Variants in ADGRL3 observed in about 807,000 individuals in gnomAD.
The protein encoded by ADGRL3 is adhesion G protein-coupled receptor L3.
Under a neutral mutation model 153.5 loss-of-function variants are expected in ADGRL3, and 62 were observed. That is an observed-to-expected ratio of 0.40 (90% CI 0.33 to 0.50). The LOEUF (loss-of-function observed/expected upper bound fraction) is 0.50, where lower values mean the gene tolerates loss of function less well. Among genes scored for constraint, ADGRL3 ranks in the 20% least tolerant of loss-of-function variants. The pLI, the probability that ADGRL3 is intolerant of heterozygous loss-of-function variation, is 0.47. For synonymous variants in ADGRL3, 710 were observed against 672.5 expected, an observed-to-expected ratio of 1.06 and a Z score of -0.86; for missense variants, 1,641 against 1,859.4, an observed-to-expected ratio of 0.88 and a Z score of 2.16.
chr4:61,846,972 A>AGTGTGTGTGTGTGTGTGTGTG (rs2098124991), intron 9 of ADGRL3, among the ~76,000 whole-genome samples: 1 of 148,114 alleles, frequency 6.8e-6, no homozygotes, highest in African/African-American at 2.6e-5. Flanking sequence ...GTGTGTGTGT[A>AGTGTGTGTGTGTGTGTGTGTG]TATATATGTA....
intron 8 of ADGRL3, among the ~76,000 whole-genome samples, chr4:61,784,202 AC>A (rs2152398194): frequency 6.6e-6 from 1 of 152,140 alleles, no homozygotes; most frequent in East Asian, 1.9e-4. Context: ...TAGAAGGAAT[AC>A]CCGAATAGAC....
In ADGRL3 at chr4:61,232,549, T is replaced by C. The variant is rs559010181; in HGVS notation, c.-240+30784T>C. ...GTCTCAAACTCCTGACCTCAAGCGATCCACCTTCCTTGGCCTCCCAAAGTG... is the reference window on the plus strand; with the variant it reads ...GTCTCAAACTCCTGACCTCAAGCGACCCACCTTCCTTGGCCTCCCAAAGTG... On this transcript the variant is annotated intron_variant, in intron 1 of 26. Coordinates refer to ENST00000683033, the MANE Select transcript of ADGRL3 (RefSeq NM_001387552.1). 8.7e-4 allele frequency among the ~76,000 whole-genome samples: 133 copies of C among 152,216 alleles called. 1 individual carries two copies. Among genetic ancestry groups the C allele is most frequent in the African/African-American group, 3.1e-3 (130 of 41,552 alleles).
At chr4:61,838,975 A>G (rs1454488707) in intron 9 of ADGRL3, among the ~76,000 whole-genome samples, 1 of 152,186 alleles carries the variant, frequency 6.6e-6, no homozygotes, top group Admixed American at 6.5e-5. Flanking sequence ...AAGTCATCTA[A>G]TATAAGGAGT....
At chr4:62,000,763 CTTTGT>C (rs994737522) in intron 21 of ADGRL3, among the ~76,000 whole-genome samples, 2 of 151,404 alleles carry the variant, frequency 1.3e-5, no homozygotes, top group Non-Finnish European at 2.9e-5. Context: ...GATTTTTTTT[CTTTGT>C]TTTAATTTTT....
intron 19 of ADGRL3, among the ~76,000 whole-genome samples, chr4:61,986,293 C>T (rs2099085345): frequency 6.6e-6 from 1 of 152,102 alleles, no homozygotes; most frequent in South Asian, 2.1e-4. Context: ...CTTGAAGTTC[C>T]AAATTACATT....
intron 4 of ADGRL3, among the ~76,000 whole-genome samples, chr4:61,540,575 A>G (rs2098684156): frequency 6.6e-6 from 1 of 152,092 alleles, no homozygotes; most frequent in Non-Finnish European, 1.5e-5. Flanking sequence ...AAAGAAAAAA[A>G]GAAAAAAAAA....
intron 5 of ADGRL3, among the ~76,000 whole-genome samples, chr4:61,625,855 A>G (rs1193435804): frequency 1.3e-5 from 2 of 152,038 alleles, no homozygotes; most frequent in Non-Finnish European, 2.9e-5. Flanking sequence ...ACTAATTTTG[A>G]GTAGTAAGTA....
intron 9 of ADGRL3, among the ~76,000 whole-genome samples, chr4:61,824,728 C>T (rs991131440): frequency 1.3e-5 from 2 of 152,152 alleles, no homozygotes; most frequent in Non-Finnish European, 2.9e-5. Flanking sequence ...CTCAACATAA[C>T]ACATGCATAT....
At position 61,634,077 on chromosome 4, in the gene ADGRL3, A is replaced by G. The variant is rs565584114; in HGVS notation, c.474-42749A>G. ...ATATTGCAATTTTGAGTTTTAAAGT[A>G]TGAGTATTGTTTTGACACACATACT... On this transcript the variant is annotated intron_variant, in intron 5 of 26. Transcript: ENST00000683033. Among the ~76,000 whole-genome samples, 131 of 152,012 alleles carry G rather than the reference A, an allele frequency of 8.6e-4. 2 individuals are homozygous for G. Among genetic ancestry groups the G allele is most frequent in the African/African-American group, 3.0e-3 (124 of 41,318 alleles).
At chr4:61,363,264 G>A (rs1434711351) in intron 1 of ADGRL3, among the ~76,000 whole-genome samples, 1 of 152,006 alleles carries the variant, frequency 6.6e-6, no homozygotes, top group Admixed American at 6.6e-5. Context: ...CCTTCCTACT[G>A]CTGTGGGTGG....
At chr4:61,765,424 G>A (rs1002368888) in intron 8 of ADGRL3, among the ~76,000 whole-genome samples, 2 of 152,128 alleles carry the variant, frequency 1.3e-5, no homozygotes, top group African/African-American at 4.8e-5. Flanking sequence ...GTATTGTCCA[G>A]TCCTTTTTAA....
intron 1 of ADGRL3, among the ~76,000 whole-genome samples, chr4:61,203,285 C>T (rs1735673469): frequency 6.6e-6 from 1 of 152,184 alleles, no homozygotes; most frequent in South Asian, 2.1e-4. Flanking sequence ...TGCGAGCCAC[C>T]TCCAGGGTGT....
At chr4:61,817,278 T>A (rs1200190914) in intron 9 of ADGRL3, among the ~76,000 whole-genome samples, 11 of 152,148 alleles carry the variant, frequency 7.2e-5, no homozygotes. Context: ...AAGGCAGGGA[T>A]GGCCTGAAGC....
intron 2 of ADGRL3, among the ~76,000 whole-genome samples, chr4:61,414,913 T>C (rs1246808530): frequency 6.6e-6 from 1 of 151,984 alleles, no homozygotes; most frequent in Non-Finnish European, 1.5e-5. Context: ...TAAATTTTCA[T>C]CAAGATCCTG....
At chr4:61,206,874 C>T (rs6851337) in intron 1 of ADGRL3, among the ~76,000 whole-genome samples, 2,152 of 151,850 alleles carry the variant, frequency 0.014, 60 homozygotes, top group African/African-American at 0.049. Context: ...CCCAGCTATT[C>T]GGGAGGCTTG....
At chr4:61,882,214 A>C (rs1483773300) in intron 9 of ADGRL3, among the ~76,000 whole-genome samples, 1 of 152,198 alleles carries the variant, frequency 6.6e-6, no homozygotes, top group Non-Finnish European at 1.5e-5. Flanking sequence ...GAATTTGTAT[A>C]AGAAGGACAA....
At chr4:61,890,339 C>A (rs572115005) in intron 9 of ADGRL3, among the ~76,000 whole-genome samples, 1 of 152,306 alleles carries the variant, frequency 6.6e-6, no homozygotes, top group South Asian at 2.1e-4. Flanking sequence ...CTTACTACTT[C>A]CCTATCTTAG....
intron 6 of ADGRL3, among the ~76,000 whole-genome samples, chr4:61,683,195 C>T (rs2095373454): frequency 6.6e-6 from 1 of 151,638 alleles, no homozygotes; most frequent in Non-Finnish European, 1.5e-5. Context: ...TCACTGCAGC[C>T]TGGACCTCCC....
chr4:61,272,557 GA>G (rs2093250543), intron 1 of ADGRL3, among the ~76,000 whole-genome samples: 1 of 151,922 alleles, frequency 6.6e-6, no homozygotes, highest in African/African-American at 2.4e-5. Context: ...TCATTAATTA[GA>G]AATGCCCTAT....
Sources: allele counts gnomAD v4.1 joint callset (sites outside exome capture counted in the v4.1 genomes callset), GRCh38; gene constraint gnomAD v4.1.1; transcripts MANE v1.5; gene names NCBI Gene and HGNC (gene_info 2026-07-23, HGNC 2026-07-21).